TAF6: variants seen among roughly 807,000 people sequenced by gnomAD.
TAF6 encodes the protein TATA-box binding protein associated factor 6.
TAF6 carries 50 observed loss-of-function variants against 73.5 expected under a neutral mutation model. The ratio of observed to expected loss-of-function variants is 0.68; its 90% CI spans 0.54 to 0.86. The LOEUF (loss-of-function observed/expected upper bound fraction) is 0.86, where lower values mean the gene tolerates loss of function less well. Among genes scored for constraint, TAF6 ranks in the 40% least tolerant of loss-of-function variants. The pLI is 0.00. For missense variants in TAF6, 768 were observed against 899.5 expected, an observed-to-expected ratio of 0.85 and a Z score of 1.87; for synonymous variants, 424 against 376.7, an observed-to-expected ratio of 1.13 and a Z score of -1.45.
chr7:100,111,356 T>G (rs1329793364), intron 9 of TAF6, 35 bp from the exon 10 acceptor site: 1 of 1,596,288 alleles, frequency 6.3e-7, no homozygotes, highest in Non-Finnish European at 8.6e-7. Context: ...TGATTCTGGT[T>G]TTGTTTGTCT....
intron 6 of TAF6, among the ~76,000 whole-genome samples, chr7:100,112,559 AC>A (rs1797287600): frequency 6.6e-6 from 1 of 152,140 alleles, no homozygotes; most frequent in African/African-American, 2.4e-5. Context: ...AAAAAAAATT[AC>A]AAAAATTAGC....
intron 6 of TAF6, 79 bp from the exon 7 acceptor site, chr7:100,112,332 T>C (rs757817881): frequency 2.0e-6 from 3 of 1,531,608 alleles, no homozygotes; most frequent in Non-Finnish European, 2.6e-6. Flanking sequence ...AACCCTCCAC[T>C]TCCCCTGAGA....
At chr7:100,119,857 G>A, upstream of TAF6, 1 of 1,611,508 alleles carries the variant, frequency 6.2e-7, no homozygotes, top group Non-Finnish European at 8.5e-7. Flanking sequence ...CCCAGCAAAT[G>A]CGAAGGTATT....
At chr7:100,127,112 T>G in the TAF6 span, 3 of 473,498 alleles carry the variant, frequency 6.3e-6, no homozygotes, top group Non-Finnish European at 7.6e-6. This position sits in a 1 kb window ranked among gnomAD's most constrained non-coding sequence, Gnocchi z 4.6. Flanking sequence ...AGGATAGCCT[T>G]TGGAGGGTGA....
chr7:100,123,869 G>GT (rs1391104896), upstream of TAF6, among the ~76,000 whole-genome samples: 1 of 152,130 alleles, frequency 6.6e-6, no homozygotes, highest in East Asian at 1.9e-4. Flanking sequence ...GATGGCTCAC[G>GT]TATGTAATCC....
chr7:100,109,316 C>G (rs1375284622), intron 12 of TAF6, among the ~76,000 whole-genome samples: 5 of 149,464 alleles, frequency 3.3e-5, no homozygotes. Context: ...CAGAGTGAGA[C>G]TCCATCTCAA....
rs554174479 is a variant in TAF6, at chr7:100,113,588, C to G, written c.397+28G>C. 3.5e-5 allele frequency: 56 copies of G among 1,611,422 alleles called. 2 individuals carry two copies. The South Asian group carries it at 6.2e-4, about 18-fold the overall frequency. On this transcript the variant is annotated intron_variant, in intron 4 of 14. Transcript: ENST00000453269. ...ACATCTGTCCTCCTTTCCCTCCTCCCTGCCACCCTGCTCTCCCCTCCCCCA... is the reference window on the plus strand; with the variant it reads ...ACATCTGTCCTCCTTTCCCTCCTCCGTGCCACCCTGCTCTCCCCTCCCCCA...
At chr7:100,125,157 G>A in the TAF6 span, 2 of 401,604 alleles carry the variant, frequency 5.0e-6, no homozygotes, top group South Asian at 1.1e-4. Flanking sequence ...AGTACTGAAA[G>A]CTTTCCTCTT....
intron 6 of TAF6, among the ~76,000 whole-genome samples, 171 bp downstream of exon 6, chr7:100,112,627 A>C (rs1797294059): frequency 6.6e-6 from 1 of 152,122 alleles, no homozygotes; most frequent in Non-Finnish European, 1.5e-5. Context: ...AGGCAGGAGA[A>C]TCGCTTGAAC....
At chr7:100,108,573 G>C (rs1263819023) in intron 12 of TAF6, 33 bp from the exon 13 acceptor site, 2 of 1,566,666 alleles carry the variant, frequency 1.3e-6, no homozygotes, top group Non-Finnish European at 8.7e-7. Flanking sequence ...GGTAGAGGGA[G>C]GGCTGGGGAA....
At chr7:100,125,939 C>T in the TAF6 span, among the ~76,000 whole-genome samples, 1 of 152,184 alleles carries the variant, frequency 6.6e-6, no homozygotes, top group Non-Finnish European at 1.5e-5. Context: ...GTAATCCCAG[C>T]ACTTTGGGAG....
rs1439814044 is a variant in TAF6 at position 100,108,418 on chromosome 7, C to T, written c.1407G>A (p.Gln469=). ...LCSQVVKARA[Q]AALQAQQVNR... is the part of the protein sequence containing the mutation. ...TGACCTGCTGAGCCTGCAGAGCAGCCTGGGCCCGAGCCTTGACCACCTGGG... is the reference window on the plus strand; with the variant it reads ...TGACCTGCTGAGCCTGCAGAGCAGCTTGGGCCCGAGCCTTGACCACCTGGG... Residue 469 remains glutamine, a synonymous_variant, in exon 13 of 15, where the codon CAG becomes CAA. Coordinates refer to ENST00000453269, the MANE Select transcript of TAF6 (RefSeq NM_139315.3). The T allele has an allele frequency of 1.2e-6, 2 of 1,613,652 alleles. No homozygotes were observed. The highest frequency in any genetic ancestry group is 1.7e-6 in the Non-Finnish European group (2 of 1,179,778).
At chr7:100,120,660 G>A (rs1006278577), upstream of TAF6, among the ~76,000 whole-genome samples, 1 of 152,150 alleles carries the variant, frequency 6.6e-6, no homozygotes, top group Non-Finnish European at 1.5e-5. Flanking sequence ...CCCCTGACCT[G>A]TCAATCTTTT....
rs372503164 is a variant in TAF6 at position 100,114,122 on chromosome 7, G to C, written c.88C>G (p.Gln30Glu). The change falls in exon 2 of 15, where the codon CAG becomes GAG. Residue 30 changes from glutamine to glutamate, a missense_variant. By Grantham distance (29) the Gln-to-Glu change is conservative. Around this residue, in one of 5 missense-constraint regions of TAF6, gnomAD observed 269 missense variants for 268.0 expected, o/e 1.00. Coordinates refer to ENST00000453269, the MANE Select transcript of TAF6 (RefSeq NM_139315.3). ...KVVAESMGIA[Q>E]IQEETCQLLT... ...AGCTGGCAGGTCTCCTCCTGAATCT[G>C]GGCGATGCCCATGGATTCAGCCACC... 1.6e-5 allele frequency: 26 copies of C among 1,614,074 alleles called. No individual in the cohort carries two copies. Among genetic ancestry groups the C allele is most frequent in the Non-Finnish European group, 2.0e-5 (24 of 1,180,050 alleles).
chr7:100,111,371 G>C, intron 9 of TAF6, 50 bp from the exon 10 acceptor site: 2 of 1,586,326 alleles, frequency 1.3e-6, no homozygotes, highest in South Asian at 1.1e-5. Flanking sequence ...TTGTCTGCTT[G>C]AGATAAAGTC....
chr7:100,109,810 G>T (rs2116749787), intron 12 of TAF6, 138 bp downstream of exon 12: 1 of 1,335,784 alleles, frequency 7.5e-7, no homozygotes, highest in East Asian at 2.4e-5. Context: ...CTTTCCATCT[G>T]TAAAATAGTA....
chr7:100,122,361 A>G (rs774925860), upstream of TAF6: 16 of 1,614,078 alleles, frequency 9.9e-6, no homozygotes, highest in South Asian at 1.8e-4. Context: ...GGCAAGAGGA[A>G]GAGACACGTG....
intron 9 of TAF6, among the ~76,000 whole-genome samples, 178 bp downstream of exon 9, chr7:100,111,550 T>C (rs760590315): frequency 3.9e-5 from 6 of 152,104 alleles, no homozygotes; most frequent in Non-Finnish European, 8.8e-5. Flanking sequence ...TTTGTAGAGA[T>C]AGCAGTCTCA....
chr7:100,117,230 G>T (rs1428691692), intron 1 of TAF6, among the ~76,000 whole-genome samples: 2 of 150,642 alleles, frequency 1.3e-5, no homozygotes, highest in Middle Eastern at 3.4e-3. Flanking sequence ...TGGCAACAGA[G>T]TGAGACCCCG....
Sources: allele counts gnomAD v4.1 joint callset (sites outside exome capture counted in the v4.1 genomes callset), GRCh38; gene constraint gnomAD v4.1.1; regional missense constraint gnomAD v4.1.1; non-coding constraint Gnocchi (gnomAD v3.1); transcripts MANE v1.5; gene names NCBI Gene and HGNC (gene_info 2026-07-23, HGNC 2026-07-21).